CCDC179: variants seen among roughly 807,000 people sequenced by gnomAD.
CCDC179 encodes the protein coiled-coil domain-containing protein 179.
In CCDC179, 17 loss-of-function variants were observed where a neutral mutation model predicts 12.0. That is an observed-to-expected ratio of 1.42 (90% CI 0.97 to 2.13). The LOEUF (loss-of-function observed/expected upper bound fraction) is 2.13, where lower values mean the gene tolerates loss of function less well. Among genes scored for constraint, CCDC179 ranks in the 30% most tolerant of loss-of-function variants. The pLI is 0.00. For synonymous variants in CCDC179, 27 were observed against 26.4 expected (o/e 1.02, Z -0.07); for missense variants, 83 against 78.6 (o/e 1.06, Z -0.21).
Position 22,860,246 on chromosome 11 carries a change from A to G in CCDC179, c.45+131T>C, listed in dbSNP as rs753631721. ...GATGTAGTCTGTCTACATCACCTGGAATTTCCCAACCCCCAGCACCAAACC... is the reference window on the plus strand; with the variant it reads ...GATGTAGTCTGTCTACATCACCTGGGATTTCCCAACCCCCAGCACCAAACC... On this transcript the variant is annotated intron_variant, in intron 1 of 3. Transcript: ENST00000532798. 1.6e-3 allele frequency: 1,680 copies of G among 1,025,346 alleles called. 1 individual carries two copies. Among genetic ancestry groups the G allele is most frequent in the Non-Finnish European group, 2.1e-3 (1,536 of 720,298 alleles). The allele number at this position is 1,025,346 out of a possible 1,614,324, so 63.5% of individuals were successfully genotyped here.
At chr11:22,848,662 T>C (rs1200522532) in intron 3 of CCDC179, among the ~76,000 whole-genome samples, 2 of 152,098 alleles carry the variant, frequency 1.3e-5, no homozygotes, top group Non-Finnish European at 2.9e-5. Flanking sequence ...TTCTTAAAGA[T>C]TGATTTAAGC....
At chr11:22,848,535 G>A (rs1048010902) in intron 3 of CCDC179, among the ~76,000 whole-genome samples, 2 of 152,028 alleles carry the variant, frequency 1.3e-5, no homozygotes, top group South Asian at 2.1e-4. Context: ...TTCATCGCAC[G>A]TCCTCTGTTG....
At chr11:22,849,400 T>C (rs1168130607) in intron 3 of CCDC179, among the ~76,000 whole-genome samples, 1 of 152,228 alleles carries the variant, frequency 6.6e-6, no homozygotes, top group Non-Finnish European at 1.5e-5. Context: ...ATTTCAGTTG[T>C]CTCTGCAACC....
At position 22,855,325 on chromosome 11, in the gene CCDC179, A is replaced by G. The variant is rs148270394; in HGVS notation, c.195+2597T>C. ...CATTAAAATATACTTTAACAAATTT[A>G]AAAGGATAGAAATCATACAAAGTGT... On this transcript the variant is annotated intron_variant, in intron 3 of 3. Coordinates refer to ENST00000532798, the MANE Select transcript of CCDC179 (RefSeq NM_001195637.2). 3.5e-3 allele frequency among the ~76,000 whole-genome samples: 526 copies of G among 151,820 alleles called. 3 individuals are homozygous for G. The highest frequency in any genetic ancestry group is 5.3e-3 in the Non-Finnish European group (358 of 67,608).
At position 22,851,984 on chromosome 11, in the gene CCDC179, C is replaced by G. The variant is rs140883750; in HGVS notation, c.196-4463G>C. On this transcript the variant is annotated intron_variant, in intron 3 of 3. Coordinates refer to ENST00000532798, the MANE Select transcript of CCDC179 (RefSeq NM_001195637.2). ...TCATTTAAAAATATGTCAGAGCTCTCCGTTCTCTTTACCAGAGCATGCTCT... is the reference window on the plus strand; with the variant it reads ...TCATTTAAAAATATGTCAGAGCTCTGCGTTCTCTTTACCAGAGCATGCTCT... Among the ~76,000 whole-genome samples, 134 of 152,242 alleles carry G rather than the reference C, an allele frequency of 8.8e-4. 1 individual carries two copies. Among genetic ancestry groups the G allele is most frequent in the African/African-American group, 2.9e-3 (122 of 41,538 alleles).
rs2302423 is a variant in CCDC179 at position 22,847,391 on chromosome 11, G to T, written c.*119C>A. The T allele has an allele frequency of 3.5e-5, 20 of 566,092 alleles. No individual in the cohort carries two copies. In the African/African-American group the frequency reaches 3.7e-4, roughly 11 times the overall value. The allele number at this position is 566,092 out of a possible 1,614,324, so 35.1% of individuals were successfully genotyped here. A position where few individuals can be genotyped will look rare whatever the true frequency, so the allele number is the denominator to read the frequency against. On this transcript the variant is annotated 3_prime_UTR_variant, in exon 4 of 4. Coordinates refer to ENST00000532798, the MANE Select transcript of CCDC179 (RefSeq NM_001195637.2). ...ATACTTGCACTGTGTTTATTTTTCC[G>T]AAATGGTGGAGTATTGCATTTATTT...
At chr11:22,848,890 T>G (rs904672325) in intron 3 of CCDC179, among the ~76,000 whole-genome samples, 1 of 152,216 alleles carries the variant, frequency 6.6e-6, no homozygotes, top group African/African-American at 2.4e-5. Flanking sequence ...TGTAACAGTT[T>G]GATACTGTGA....
chr11:22,858,202 A>T (rs1449315881), intron 2 of CCDC179, 176 bp from the exon 3 acceptor site: 1 of 446,034 alleles, frequency 2.2e-6, no homozygotes, highest in Admixed American at 4.1e-5. Flanking sequence ...TGTATGGTTC[A>T]TAGGTGAAGA....
chr11:22,853,690 G>C (rs554817435), intron 3 of CCDC179, among the ~76,000 whole-genome samples: 1 of 151,452 alleles, frequency 6.6e-6, no homozygotes, highest in African/African-American at 2.4e-5. Flanking sequence ...AGAGGAAAAG[G>C]ATGAAGAGGA....
intron 3 of CCDC179, among the ~76,000 whole-genome samples, chr11:22,851,661 A>G (rs1858406701): frequency 6.6e-6 from 1 of 152,234 alleles, no homozygotes; most frequent in Non-Finnish European, 1.5e-5. Context: ...GCACAGGGCA[A>G]GCTGCTGCCC....
chr11:22,847,596 A>G lies in CCDC179; in HGVS notation c.196-75T>C, dbSNP rs2134821615. On this transcript the variant is annotated intron_variant, in intron 3 of 3. Coordinates refer to ENST00000532798, the MANE Select transcript of CCDC179 (RefSeq NM_001195637.2). ...TATAAGGAAAGATTAGATATACTAT[A>G]AATTATTTGGAAATGGTCTCATGGA... is the stretch of plus-strand genomic sequence containing the variant. The G allele has an allele frequency of 9.5e-6, 7 of 737,938 alleles. No homozygotes were observed. The South Asian group carries it at 1.3e-4, about 13-fold the overall frequency. 45.7% of individuals were successfully genotyped at this position (737,938 alleles called of 1,614,324 possible).
At chr11:22,849,727 C>G (rs1240874765) in intron 3 of CCDC179, among the ~76,000 whole-genome samples, 1 of 152,180 alleles carries the variant, frequency 6.6e-6, no homozygotes, top group Non-Finnish European at 1.5e-5. Flanking sequence ...TTTGCAACCT[C>G]ATGGCTTAGC....
chr11:22,857,080 A>G (rs1479070240), intron 3 of CCDC179, among the ~76,000 whole-genome samples: 1 of 151,738 alleles, frequency 6.6e-6, no homozygotes, highest in African/African-American at 2.4e-5. Flanking sequence ...TATTGTTAAG[A>G]TATCAGTTAT....
chr11:22,850,940 CTATATATA>C (rs1180035208), intron 3 of CCDC179, among the ~76,000 whole-genome samples: 445 of 16,496 alleles, frequency 0.027, 28 homozygotes, highest in East Asian at 0.073. Context: ...GTTGCATAGG[CTATATATA>C]TATATATATA....
chr11:22,850,381 GAA>G (rs1858345263), intron 3 of CCDC179, among the ~76,000 whole-genome samples: 1 of 152,134 alleles, frequency 6.6e-6, no homozygotes, highest in Non-Finnish European at 1.5e-5. Context: ...TCTTCACTTA[GAA>G]TAATGGTCTC....
chr11:22,853,863 C>G (rs78398667), intron 3 of CCDC179, among the ~76,000 whole-genome samples: 1 of 151,724 alleles, frequency 6.6e-6, no homozygotes, highest in Non-Finnish European at 1.5e-5. Context: ...GGATAAACAC[C>G]AGATAAATGT....
intron 3 of CCDC179, among the ~76,000 whole-genome samples, chr11:22,850,971 T>TAC (rs1348580752): frequency 8.1e-4 from 14 of 17,204 alleles, no homozygotes; most frequent in Admixed American, 1.8e-3. Context: ...TATATATATA[T>TAC]ATATATTTTT....
intron 3 of CCDC179, among the ~76,000 whole-genome samples, chr11:22,850,956 A>ATTTTT (rs1361820700): frequency 3.2e-4 from 2 of 6,282 alleles, no homozygotes; most frequent in Non-Finnish European, 6.9e-4. Flanking sequence ...ATATATATAT[A>ATTTTT]TATATATATA....
At chr11:22,855,932 A>T (rs796672151) in intron 3 of CCDC179, among the ~76,000 whole-genome samples, 18 of 151,530 alleles carry the variant, frequency 1.2e-4, no homozygotes, top group African/African-American at 4.3e-4. Context: ...AAACTTAGAT[A>T]AAACTGACTA....
Sources: gnomAD v4.1 joint callset for allele counts (sites outside exome capture counted in the v4.1 genomes callset) on GRCh38, gnomAD v4.1.1 for gene constraint, MANE v1.5 for transcripts, NCBI Gene and HGNC (gene_info 2026-07-23, HGNC 2026-07-21) for gene names.